The following PARD3B variants were observed in gnomAD, a reference collection of about 807,000 sequenced individuals.
The protein encoded by PARD3B is par-3 family cell polarity regulator beta.
A neutral mutation model predicts 130.2 loss-of-function variants in PARD3B; 103 were observed. The observed-to-expected ratio is 0.79, with a 90% CI of 0.67 to 0.93. The LOEUF (loss-of-function observed/expected upper bound fraction) is 0.93, where lower values mean the gene tolerates loss of function less well. Ranked by LOEUF, PARD3B falls within the 40% of genes least tolerant of loss-of-function variation. The pLI, the probability that PARD3B is intolerant of heterozygous loss-of-function variation, is 0.00. For synonymous variants in PARD3B, 583 were observed against 553.2 expected, an observed-to-expected ratio of 1.05 and a Z score of -0.76; for missense variants, 1,609 against 1,499.2, an observed-to-expected ratio of 1.07 and a Z score of -1.21.
chr2:204,834,924 A>G (rs1244937669), intron 2 of PARD3B, among the ~76,000 whole-genome samples: 1 of 152,224 alleles, frequency 6.6e-6, no homozygotes, highest in Non-Finnish European at 1.5e-5. Flanking sequence ...TGTGGTTGAA[A>G]AAGCACTAGG....
At chr2:205,424,014 G>A (rs1245618757) in intron 19 of PARD3B, among the ~76,000 whole-genome samples, 1 of 152,074 alleles carries the variant, frequency 6.6e-6, no homozygotes, top group Admixed American at 6.6e-5. Context: ...GGAATAATCT[G>A]TACTACAAAG....
intron 10 of PARD3B, among the ~76,000 whole-genome samples, chr2:205,126,752 C>CAAAAAAAAAAAAAAAAAAAAAAAAAAA (rs4045004): frequency 1.3e-5 from 1 of 74,454 alleles, no homozygotes; most frequent in South Asian, 5.9e-4. Flanking sequence ...GACTCCGTCT[C>CAAAAAAAAAAAAAAAAAAAAAAAAAAA]AAAAAAAAAA....
At chr2:204,766,472 A>G (rs2041154095) in intron 2 of PARD3B, among the ~76,000 whole-genome samples, 1 of 152,134 alleles carries the variant, frequency 6.6e-6, no homozygotes, top group Non-Finnish European at 1.5e-5. Context: ...GAAGTTTGTC[A>G]TAAGTTCCTT....
At chr2:205,345,213 C>A (rs986344698) in intron 18 of PARD3B, among the ~76,000 whole-genome samples, 2 of 152,068 alleles carry the variant, frequency 1.3e-5, no homozygotes, top group African/African-American at 4.8e-5. Flanking sequence ...AAACAAGGAA[C>A]CTTATGTACT....
intron 2 of PARD3B, among the ~76,000 whole-genome samples, chr2:204,719,786 A>G (rs1389713043): frequency 7.7e-6 from 1 of 130,496 alleles, no homozygotes; most frequent in African/African-American, 4.0e-5. Context: ...AATTAGGTAA[A>G]TAATACCTTT....
chr2:205,471,414 T>G (rs567404349), intron 20 of PARD3B, among the ~76,000 whole-genome samples: 2 of 147,798 alleles, frequency 1.4e-5, no homozygotes, highest in East Asian at 3.9e-4. Flanking sequence ...CAGGCTATAG[T>G]GCAGTGGCGC....
intron 2 of PARD3B, among the ~76,000 whole-genome samples, chr2:204,736,741 C>T (rs183581846): frequency 3.9e-4 from 59 of 152,258 alleles, no homozygotes; most frequent in Admixed American, 2.7e-3. Context: ...TGTAAACATA[C>T]GTGTGCAAGT....
chr2:205,000,615 A>G (rs751411449), intron 3 of PARD3B, among the ~76,000 whole-genome samples: 5 of 152,214 alleles, frequency 3.3e-5, no homozygotes, highest in Non-Finnish European at 7.3e-5. Flanking sequence ...TACATTTTAT[A>G]ATCATATGCA....
intron 16 of PARD3B, among the ~76,000 whole-genome samples, chr2:205,283,833 A>G (rs1028525144): frequency 3.3e-5 from 5 of 152,156 alleles, no homozygotes; most frequent in African/African-American, 1.2e-4. Context: ...CATGCTAATA[A>G]ACTCCCCTCT....
intron 2 of PARD3B, among the ~76,000 whole-genome samples, chr2:204,688,531 G>A (rs1574709365): frequency 7.3e-6 from 1 of 137,700 alleles, no homozygotes; most frequent in East Asian, 2.2e-4. Flanking sequence ...AGTGAGCCAA[G>A]ATCACACCAG....
intron 2 of PARD3B, among the ~76,000 whole-genome samples, chr2:204,708,315 G>C (rs115675832): frequency 0.013 from 2,000 of 152,190 alleles, 55 homozygotes; most frequent in African/African-American, 0.045. Flanking sequence ...TATTTTTAAT[G>C]TGTGTACTTG....
chr2:205,452,553 T>A (rs2048137085), intron 20 of PARD3B, among the ~76,000 whole-genome samples: 1 of 152,220 alleles, frequency 6.6e-6, no homozygotes, highest in Admixed American at 6.5e-5. Context: ...CATCAATTTT[T>A]AAGTGACTTT....
intron 15 of PARD3B, among the ~76,000 whole-genome samples, chr2:205,217,547 G>T (rs1368008027): frequency 6.6e-6 from 1 of 151,896 alleles, no homozygotes; most frequent in East Asian, 1.9e-4. Flanking sequence ...GGAACAAGAT[G>T]CAGGAAGGAG....
At chr2:204,807,797 T>C (rs1226550189) in intron 2 of PARD3B, among the ~76,000 whole-genome samples, 1 of 151,914 alleles carries the variant, frequency 6.6e-6, no homozygotes, top group Admixed American at 6.6e-5. Context: ...ACAATTTAAC[T>C]TATGGAGATT....
intron 15 of PARD3B, among the ~76,000 whole-genome samples, chr2:205,220,182 C>A (rs1310781485): frequency 1.3e-5 from 2 of 152,150 alleles, no homozygotes; most frequent in Non-Finnish European, 2.9e-5. Flanking sequence ...GATCATGTCA[C>A]TTCCTTGCTA....
chr2:205,539,474 C>T (rs1220175042), intron 21 of PARD3B, among the ~76,000 whole-genome samples: 1 of 152,142 alleles, frequency 6.6e-6, no homozygotes, highest in Non-Finnish European at 1.5e-5. Context: ...CAGGTATGTG[C>T]ACAGCCCCTC....
At chr2:205,110,044 T>C (rs1703516263) in intron 5 of PARD3B, among the ~76,000 whole-genome samples, 1 of 152,166 alleles carries the variant, frequency 6.6e-6, no homozygotes, top group Admixed American at 6.6e-5. Flanking sequence ...GACTCCTGAC[T>C]CAAAAGTTAC....
At chr2:204,957,678 C>T (rs1013856287) in intron 2 of PARD3B, among the ~76,000 whole-genome samples, 3 of 151,948 alleles carry the variant, frequency 2.0e-5, no homozygotes, top group Non-Finnish European at 4.4e-5. Context: ...ACTTTGAAAC[C>T]TTTGTTTAAA....
chr2:204,608,460 T>C (rs2033808226), intron 1 of PARD3B, among the ~76,000 whole-genome samples: 1 of 152,184 alleles, frequency 6.6e-6, no homozygotes, highest in Non-Finnish European at 1.5e-5. Context: ...TGCAGCATGC[T>C]CCTTTGCTCC....
Sources: allele counts gnomAD v4.1 joint callset (sites outside exome capture counted in the v4.1 genomes callset), GRCh38; gene constraint gnomAD v4.1.1; transcripts MANE v1.5; gene names NCBI Gene and HGNC (gene_info 2026-07-23, HGNC 2026-07-21).